The following EFCAB6 variants were observed in gnomAD, a reference collection of about 807,000 sequenced individuals.
EFCAB6 encodes EF-hand calcium binding domain 6, also known as EF-hand calcium-binding domain-containing protein 6.
EFCAB6 carries 156 observed loss-of-function variants against 169.8 expected under a neutral mutation model. That is an observed-to-expected ratio of 0.92 (90% CI 0.81 to 1.05). EFCAB6 has a LOEUF of 1.05. Among genes scored for constraint, EFCAB6 ranks in the 50% least tolerant of loss-of-function variants. The pLI is 0.00. For missense variants in EFCAB6, 1,800 were observed against 1,829.1 expected (o/e 0.98, Z 0.29); for synonymous variants, 698 against 676.4 (o/e 1.03, Z -0.50).
At chr22:43,714,960 A>G (rs1458279956) in intron 9 of EFCAB6, among the ~76,000 whole-genome samples, 2 of 152,246 alleles carry the variant, frequency 1.3e-5, no homozygotes, top group South Asian at 2.1e-4. Context: ...AACTGAACAG[A>G]GTATAAATAT....
intron 6 of EFCAB6, among the ~76,000 whole-genome samples, chr22:43,754,552 G>A (rs1054417111): frequency 6.6e-6 from 1 of 152,218 alleles, no homozygotes; most frequent in South Asian, 2.1e-4. Flanking sequence ...AAAACTGCCT[G>A]GGTTTCAACT....
At chr22:43,724,716 A>T (rs1222485496) in intron 8 of EFCAB6, among the ~76,000 whole-genome samples, 3 of 152,058 alleles carry the variant, frequency 2.0e-5, no homozygotes, top group African/African-American at 7.3e-5. Flanking sequence ...CACTCAAGTA[A>T]TCTCCAAAAA....
chr22:43,568,703 G>T (rs879899853), intron 26 of EFCAB6, among the ~76,000 whole-genome samples: 3 of 152,164 alleles, frequency 2.0e-5, no homozygotes, highest in African/African-American at 4.8e-5. Context: ...CCTGGCTGAG[G>T]TCCTGCCATG....
chr22:43,659,856 A>G (rs1429075709), intron 17 of EFCAB6, among the ~76,000 whole-genome samples: 2 of 152,208 alleles, frequency 1.3e-5, no homozygotes, highest in Non-Finnish European at 2.9e-5. Flanking sequence ...GAAGAAGGAA[A>G]GCACATCTCG....
intron 2 of EFCAB6, among the ~76,000 whole-genome samples, chr22:43,783,381 G>A (rs1349070846): frequency 1.3e-5 from 2 of 152,156 alleles, no homozygotes; most frequent in Admixed American, 6.5e-5. Context: ...ACCATTCCCA[G>A]GGAGAGGTGT....
At chr22:43,753,810 G>A (rs1358817354) in intron 6 of EFCAB6, among the ~76,000 whole-genome samples, 1 of 152,248 alleles carries the variant, frequency 6.6e-6, no homozygotes, top group Non-Finnish European at 1.5e-5. Context: ...TGCATGAGCA[G>A]AGTCTGGCTC....
intron 2 of EFCAB6, among the ~76,000 whole-genome samples, chr22:43,785,819 C>G (rs538952335): frequency 2.8e-3 from 420 of 152,192 alleles, no homozygotes; most frequent in Non-Finnish European, 4.7e-3. Flanking sequence ...GACATTACCA[C>G]TAACCTTACA....
At chr22:43,764,484 C>T (rs913885433) in intron 5 of EFCAB6, among the ~76,000 whole-genome samples, 4 of 152,102 alleles carry the variant, frequency 2.6e-5, no homozygotes, top group Admixed American at 2.0e-4. Flanking sequence ...GCTACTGTGA[C>T]TAGTGCTGCG....
At position 43,537,660 on chromosome 22, in the gene EFCAB6, C is replaced by T; in HGVS notation, c.3880-115G>A. 8.2e-7 allele frequency: 1 copy of T among 1,214,004 alleles called. No individual in the cohort carries two copies. Among genetic ancestry groups the T allele is most frequent in the Non-Finnish European group, 1.1e-6 (1 of 898,010 alleles). The allele number at this position is 1,214,004 out of a possible 1,614,324, so 75.2% of individuals were successfully genotyped here. ...CACAATTTTAGAGGCAGAATTAGCCCAGAAATAAAATGAAGAATAAAACAT... is the reference window on the plus strand; with the variant it reads ...CACAATTTTAGAGGCAGAATTAGCCTAGAAATAAAATGAAGAATAAAACAT... On this transcript the variant is annotated intron_variant, in intron 28 of 31. Transcript: ENST00000262726. The surrounding 1 kb of genome is among the most constrained non-coding windows in gnomAD (Gnocchi z 4.3).
intron 28 of EFCAB6, among the ~76,000 whole-genome samples, chr22:43,538,221 C>G (rs1176167805): frequency 2.0e-5 from 3 of 152,016 alleles, no homozygotes; most frequent in Non-Finnish European, 4.4e-5. Context: ...TCTTCCTTGA[C>G]TCTCCCTCAC....
In EFCAB6 at chr22:43,765,035, T is replaced by C. The variant is rs763444223; in HGVS notation, c.440+270A>G. 6.6e-4 allele frequency among the ~76,000 whole-genome samples: 101 copies of C among 152,348 alleles called. 2 individuals are homozygous for C. Among genetic ancestry groups the C allele is most frequent in the Admixed American group, 2.9e-3 (44 of 15,306 alleles). ...ATTCCAATTTTAAATATATTGCATG[T>C]AAACTATTTTTGTCTGGTTTTAATT... On this transcript the variant is annotated intron_variant, in intron 5 of 31. Transcript: ENST00000262726.
At chr22:43,663,055 G>T (rs1222149903) in intron 17 of EFCAB6, among the ~76,000 whole-genome samples, 2 of 152,210 alleles carry the variant, frequency 1.3e-5, no homozygotes, top group East Asian at 3.8e-4. Context: ...TTCCTGTGAG[G>T]AGCAGAAATA....
rs769613196 is a variant in EFCAB6 at position 43,572,976 on chromosome 22, C to G, written c.3420+3321G>C. On this transcript the variant is annotated intron_variant, in intron 26 of 31. Coordinates refer to ENST00000262726, the MANE Select transcript of EFCAB6 (RefSeq NM_022785.4). This position sits in a 1 kb window ranked among gnomAD's most constrained non-coding sequence, Gnocchi z 4.0. ...CATGCTTTAGAGGAAAATGAAGACCCCAGAGAATGCCAGTGCTACCACAGG... is the reference window on the plus strand; with the variant it reads ...CATGCTTTAGAGGAAAATGAAGACCGCAGAGAATGCCAGTGCTACCACAGG... Among the ~76,000 whole-genome samples, 23 of 152,142 alleles carry G rather than the reference C, an allele frequency of 1.5e-4. No homozygotes were observed. Among genetic ancestry groups the G allele is most frequent in the Non-Finnish European group, 2.8e-4 (19 of 68,032 alleles).
chr22:43,784,541 G>GTGTGTGTGTATATA (rs1556409935), intron 2 of EFCAB6, among the ~76,000 whole-genome samples: 9 of 79,722 alleles, frequency 1.1e-4, no homozygotes, highest in South Asian at 5.1e-4. Context: ...GTGTGTGTGT[G>GTGTGTGTGTATATA]TGTATATGTA....
chr22:43,626,058 T>C (rs2054496269), intron 20 of EFCAB6, among the ~76,000 whole-genome samples: 1 of 151,840 alleles, frequency 6.6e-6, no homozygotes, highest in Non-Finnish European at 1.5e-5. Flanking sequence ...TATGTGTGTA[T>C]ATATATGTAT....
Position 43,626,568 on chromosome 22 carries a change from A to G in EFCAB6, c.2344T>C (p.Phe782Leu). 6.2e-7 allele frequency: 1 copy of G among 1,613,826 alleles called. No homozygotes were observed. The highest frequency in any genetic ancestry group is 8.5e-7 in the Non-Finnish European group (1 of 1,179,978). ...HLLLNLKDDEFERFLGLLGLR... is the reference protein window; with the variant it reads ...HLLLNLKDDELERFLGLLGLR... ...CCAAGAAGGCCAAGGAAGCGCTCAA[A>G]CTCGTCGTCTTTGAGATTAAGCAGT... is the stretch of plus-strand genomic sequence containing the variant. Residue 782 changes from phenylalanine (F) to leucine (L), a missense_variant, in exon 20 of 32, where the codon TTT becomes CTT. Transcript: ENST00000262726.
At chr22:43,631,048 T>C (rs1247402560) in intron 19 of EFCAB6, among the ~76,000 whole-genome samples, 1 of 151,884 alleles carries the variant, frequency 6.6e-6, no homozygotes, top group Non-Finnish European at 1.5e-5. Flanking sequence ...TCTCCAGGGG[T>C]GATCAGTCTG....
rs148127684 is a variant in EFCAB6, at chr22:43,748,883, G to T, written c.507+6883C>A. On this transcript the variant is annotated intron_variant, in intron 6 of 31. Transcript: ENST00000262726. ...AAGTGTACTCGATGCACAAGCAAAAGACATGGGTATGTTCACCAGAGAAGT... is the reference window on the plus strand; with the variant it reads ...AAGTGTACTCGATGCACAAGCAAAATACATGGGTATGTTCACCAGAGAAGT... Among the ~76,000 whole-genome samples, 64 of 152,302 alleles carry T rather than the reference G, an allele frequency of 4.2e-4. 1 individual carries two copies. The Middle Eastern group carries it at 0.02, about 49-fold the overall frequency.
chr22:43,758,652 ACTTT>A (rs1186236058), intron 5 of EFCAB6, among the ~76,000 whole-genome samples: 1 of 152,012 alleles, frequency 6.6e-6, no homozygotes, highest in Non-Finnish European at 1.5e-5. Context: ...ATATTTTGCC[ACTTT>A]CTTTGCTTTT....
Sources: gnomAD v4.1 joint callset for allele counts (sites outside exome capture counted in the v4.1 genomes callset) on GRCh38, gnomAD v4.1.1 for gene constraint, Gnocchi (gnomAD v3.1) non-coding constraint, MANE v1.5 for transcripts, NCBI Gene and HGNC (gene_info 2026-07-23, HGNC 2026-07-21) for gene names.